PCDH15: variants seen among roughly 807,000 people sequenced by gnomAD.
PCDH15 encodes the protein protocadherin related 15.
PCDH15 carries 129 observed loss-of-function variants against 178.5 expected under a neutral mutation model. That is an observed-to-expected ratio of 0.72 (90% CI 0.63 to 0.84). The LOEUF (loss-of-function observed/expected upper bound fraction) is 0.84, where lower values mean the gene tolerates loss of function less well. Among genes scored for constraint, PCDH15 ranks in the 40% least tolerant of loss-of-function variants. The pLI is 0.00. For missense variants in PCDH15, 2,230 were observed against 2,099.9 expected, an observed-to-expected ratio of 1.06 and a Z score of -1.21; for synonymous variants, 800 against 732.0, an observed-to-expected ratio of 1.09 and a Z score of -1.50.
chr10:55,417,564 T>C (rs1429614873), intron 2 of PCDH15, among the ~76,000 whole-genome samples: 2 of 151,536 alleles, frequency 1.3e-5, no homozygotes, highest in East Asian at 1.9e-4. Context: ...TTAGCAGCCA[T>C]AGTAGGGGAT....
intron 15 of PCDH15, among the ~76,000 whole-genome samples, chr10:54,109,669 A>G (rs1360650034): frequency 6.6e-6 from 1 of 152,184 alleles, no homozygotes; most frequent in Non-Finnish European, 1.5e-5. Context: ...TAGAGAGTAG[A>G]GGGATGGTTC....
chr10:54,184,976 A>G (rs796578098), intron 12 of PCDH15, among the ~76,000 whole-genome samples, 158 bp downstream of exon 12: 9 of 152,112 alleles, frequency 5.9e-5, no homozygotes, highest in African/African-American at 2.2e-4. Flanking sequence ...ACATGTAAAT[A>G]ATTTTTCATT....
intron 1 of PCDH15, among the ~76,000 whole-genome samples, chr10:54,665,622 C>T (rs78277219): frequency 0.025 from 3,837 of 152,022 alleles, 166 homozygotes; most frequent in African/African-American, 0.089. Flanking sequence ...AAGGTGTAAG[C>T]TCTTTTTTTA....
intron 2 of PCDH15, among the ~76,000 whole-genome samples, chr10:54,614,602 A>G (rs2093069932): frequency 6.6e-6 from 1 of 152,046 alleles, no homozygotes; most frequent in Admixed American, 6.6e-5. Context: ...CTAATTATTA[A>G]ATGTTTAAAC....
intron 2 of PCDH15, among the ~76,000 whole-genome samples, chr10:55,416,032 C>T (rs1838473861): frequency 7.5e-6 from 1 of 132,480 alleles, no homozygotes; most frequent in East Asian, 2.0e-4. Context: ...GCTTTTAAGG[C>T]AAAAAAACAA....
In PCDH15 at chr10:53,822,084, C is replaced by G. The variant is rs760992741; in HGVS notation, c.4368-1854G>C. The G allele has an allele frequency of 2.5e-6, 4 of 1,613,968 alleles. No homozygotes were observed. In the South Asian group the frequency reaches 4.4e-5, roughly 18 times the overall value. ...TAAGTTTTTAACGTGTCTGAGGATG[C>G]CTTTTGGTTCTCTCTGAGGGTCTGT... On this transcript the variant is annotated intron_variant, in intron 32 of 37. Transcript: ENST00000644397.
chr10:54,219,848 T>A (rs2052588581), intron 9 of PCDH15, among the ~76,000 whole-genome samples: 1 of 151,996 alleles, frequency 6.6e-6, no homozygotes, highest in Admixed American at 6.6e-5. Context: ...TAAAAATAGT[T>A]ATTTTATAAG....
chr10:54,166,956 C>T (rs969485972), intron 13 of PCDH15, among the ~76,000 whole-genome samples: 1 of 152,212 alleles, frequency 6.6e-6, no homozygotes, highest in African/African-American at 2.4e-5. Context: ...GAACAAACCC[C>T]CTTTGACTGT....
At chr10:55,495,210 A>G (rs533947424) in intron 2 of PCDH15, among the ~76,000 whole-genome samples, 1 of 151,802 alleles carries the variant, frequency 6.6e-6, no homozygotes, top group Non-Finnish European at 1.5e-5. Context: ...TTTCTTAAAT[A>G]TAAAACCAAA....
intron 2 of PCDH15, among the ~76,000 whole-genome samples, chr10:54,549,315 G>A (rs1256540844): frequency 6.6e-6 from 1 of 151,540 alleles, no homozygotes; most frequent in Non-Finnish European, 1.5e-5. Context: ...GCTATAAATT[G>A]CCCCCTCAAT....
At chr10:55,323,846 A>G (rs1451171644), upstream of PCDH15, among the ~76,000 whole-genome samples, 1 of 152,074 alleles carries the variant, frequency 6.6e-6, no homozygotes. Context: ...AAATGTGAGG[A>G]CATGAGATTT....
chr10:54,630,883 C>T (rs2093683721), intron 2 of PCDH15, among the ~76,000 whole-genome samples: 1 of 152,120 alleles, frequency 6.6e-6, no homozygotes, highest in Admixed American at 6.6e-5. Context: ...GACTTACAAG[C>T]AGCCAACAAA....
intron 18 of PCDH15, among the ~76,000 whole-genome samples, chr10:54,050,932 T>C (rs1185090666): frequency 6.6e-6 from 1 of 152,170 alleles, no homozygotes; most frequent in African/African-American, 2.4e-5. Flanking sequence ...GTGATAGTAA[T>C]TGAGTTCTCA....
intron 2 of PCDH15, among the ~76,000 whole-genome samples, chr10:55,591,332 G>A (rs535044581): frequency 6.6e-6 from 1 of 152,206 alleles, no homozygotes; most frequent in African/African-American, 2.4e-5. Context: ...TTACTCTGGA[G>A]GCTGAGGTAG....
intron 1 of PCDH15, among the ~76,000 whole-genome samples, chr10:54,694,395 G>A (rs1262892369): frequency 6.6e-6 from 1 of 152,056 alleles, no homozygotes; most frequent in African/African-American, 2.4e-5. Flanking sequence ...CTGAAGTTTA[G>A]AAAATCTATG....
intron 3 of PCDH15, among the ~76,000 whole-genome samples, chr10:54,882,436 T>C (rs1484890011): frequency 6.6e-6 from 1 of 152,054 alleles, no homozygotes; most frequent in Admixed American, 6.6e-5. Flanking sequence ...AAAGGGATTT[T>C]GAAAACTCCT....
intron 2 of PCDH15, among the ~76,000 whole-genome samples, chr10:54,976,339 T>G (rs1839069781): frequency 6.6e-6 from 1 of 152,068 alleles, no homozygotes; most frequent in Non-Finnish European, 1.5e-5. Context: ...GACCATGGTA[T>G]TGTAGTTAAA....
At chr10:55,577,058 A>G (rs1327898119) in intron 2 of PCDH15, among the ~76,000 whole-genome samples, 1 of 152,068 alleles carries the variant, frequency 6.6e-6, no homozygotes, top group Non-Finnish European at 1.5e-5. Context: ...CATGGCCAAT[A>G]TGGTGAAACC....
intron 32 of PCDH15, chr10:53,821,243 T>G: frequency 1.0e-6 from 1 of 984,106 alleles, no homozygotes; most frequent in Non-Finnish European, 1.2e-6. Flanking sequence ...ACTACTAAGA[T>G]AAAAGCAAGT....
Sources: allele counts gnomAD v4.1 joint callset (sites outside exome capture counted in the v4.1 genomes callset), GRCh38; gene constraint gnomAD v4.1.1; transcripts MANE v1.5; gene names NCBI Gene and HGNC (gene_info 2026-07-23, HGNC 2026-07-21).